Variants in TMEM164 observed in about 807,000 individuals in gnomAD.
TMEM164 encodes RP13-360B22.2.
Under a neutral mutation model 18.8 loss-of-function variants are expected in TMEM164, and 4 were observed. The ratio of observed to expected loss-of-function variants is 0.21; its 90% CI spans 0.10 to 0.49. TMEM164 has a LOEUF of 0.49. Ranked by LOEUF, TMEM164 falls within the 20% of genes least tolerant of loss-of-function variation. TMEM164 has a pLI of 0.98. For missense variants in TMEM164, 108 were observed against 239.9 expected, an observed-to-expected ratio of 0.45 and a Z score of 3.63; for synonymous variants, 86 against 101.7, an observed-to-expected ratio of 0.85 and a Z score of 0.93.
chrX:110,103,846 C>A lies in TMEM164; in HGVS notation c.441-5234C>A, dbSNP rs563517681. 4.7e-4 allele frequency among the ~76,000 whole-genome samples: 52 copies of A among 111,200 alleles called. No individual in the cohort carries two copies. The South Asian group carries it at 0.015, about 32-fold the overall frequency. The stretch of plus-strand genomic sequence containing the variant: ...GTTATTCAGGGGTTACAGTATCACA[C>A]TAAACAGGATGGAAAACATGAGGGA... On this transcript the variant is annotated intron_variant, in intron 3 of 6. Transcript: ENST00000372068.
chrX:110,032,950 C>A (rs868159770), intron 2 of TMEM164, among the ~76,000 whole-genome samples: 1 of 112,302 alleles, frequency 8.9e-6, no homozygotes, highest in Admixed American at 9.4e-5. Context: ...ATGTATTGAA[C>A]TGTTTTGGAG....
At chrX:110,149,533 A>G (rs1051156438) in intron 5 of TMEM164, among the ~76,000 whole-genome samples, 38 of 111,004 alleles carry the variant, frequency 3.4e-4, no homozygotes, top group Non-Finnish European at 3.6e-4. Flanking sequence ...CTACCTCACC[A>G]ATCATGTCTT....
At chrX:110,054,551 T>G (rs1214947680) in intron 2 of TMEM164, among the ~76,000 whole-genome samples, 1 of 111,938 alleles carries the variant, frequency 8.9e-6, no homozygotes, top group East Asian at 2.8e-4. Flanking sequence ...ACCCTTGAGC[T>G]CTACCACCAG....
chrX:110,032,895 T>C (rs886621813), intron 2 of TMEM164, among the ~76,000 whole-genome samples: 2 of 112,001 alleles, frequency 1.8e-5, no homozygotes, highest in African/African-American at 3.3e-5. Context: ...GATGGAAGAT[T>C]ATGGCCAATT....
intron 2 of TMEM164, among the ~76,000 whole-genome samples, chrX:110,009,542 G>C (rs894875098): frequency 9.0e-6 from 1 of 111,584 alleles, no homozygotes; most frequent in Non-Finnish European, 1.9e-5. Context: ...AAGGAGTAGT[G>C]GATTTTTCCT....
At chrX:110,020,287 A>G (rs1933737046) in intron 2 of TMEM164, 1 of 633,987 alleles carries the variant, frequency 1.6e-6, no homozygotes, top group South Asian at 8.1e-5. Flanking sequence ...TTTGTTTTCC[A>G]GATGAGGAAA....
chrX:110,105,750 TGAGAGAGAGAGA>T (rs59866982), intron 3 of TMEM164, among the ~76,000 whole-genome samples: 95 of 72,165 alleles, frequency 1.3e-3, no homozygotes, highest in East Asian at 3.4e-3. Context: ...AGAGAGAGAA[TGAGAGAGAGAGA>T]GAGAGAGAGA....
intron 2 of TMEM164, among the ~76,000 whole-genome samples, chrX:110,020,164 T>C (rs1053986928): frequency 3.6e-5 from 4 of 112,079 alleles, no homozygotes; most frequent in African/African-American, 1.3e-4. Flanking sequence ...ACTCCTTAGA[T>C]TGTATGTTCC....
At chrX:110,017,704 G>A (rs1933552009) in intron 2 of TMEM164, among the ~76,000 whole-genome samples, 1 of 104,710 alleles carries the variant, frequency 9.6e-6, no homozygotes, top group Non-Finnish European at 2.0e-5. Flanking sequence ...CGAGTAGCTG[G>A]GATTACAGGC....
At chrX:110,115,371 G>T (rs1404972713) in intron 4 of TMEM164, among the ~76,000 whole-genome samples, 1 of 111,887 alleles carries the variant, frequency 8.9e-6, no homozygotes. Flanking sequence ...TTTCAAAAGA[G>T]GTATTAATTT....
chrX:110,051,527 C>G lies in TMEM164; in HGVS notation c.391-15820C>G, dbSNP rs772306084. On this transcript the variant is annotated intron_variant, in intron 2 of 6. Transcript: ENST00000372068. The stretch of plus-strand genomic sequence containing the variant: ...ACTAAAGCTTAAGAATTTAAAGAGG[C>G]TTACTGTGACCCCCCTGTCATTATT... Among the ~76,000 whole-genome samples, 3 of 108,102 alleles carry G rather than the reference C, an allele frequency of 2.8e-5. No individual in the cohort carries two copies. The East Asian group carries it at 8.6e-4, about 31-fold the overall frequency. 93.9% of individuals were successfully genotyped at this position (108,102 alleles called of 115,157 possible).
chrX:110,032,987 A>G (rs913125090), intron 2 of TMEM164, among the ~76,000 whole-genome samples: 1 of 112,282 alleles, frequency 8.9e-6, no homozygotes, highest in African/African-American at 3.2e-5. Flanking sequence ...TATGACAACA[A>G]ATTACTTATA....
intron 3 of TMEM164, among the ~76,000 whole-genome samples, chrX:110,101,715 G>T (rs1373169691): frequency 9.2e-6 from 1 of 108,239 alleles, no homozygotes; most frequent in Non-Finnish European, 1.9e-5. Context: ...AAGTAGCTGG[G>T]ACTACATGTT....
downstream of TMEM164, chrX:110,182,557 A>C (rs2067327690): frequency 9.0e-6 from 1 of 111,539 alleles, no homozygotes; most frequent in African/African-American, 3.3e-5. Flanking sequence ...TCCCTGGGGA[A>C]CTCCTAGGGC....
chrX:110,098,176 A>C (rs2066050730), intron 3 of TMEM164, among the ~76,000 whole-genome samples: 1 of 111,823 alleles, frequency 8.9e-6, no homozygotes. Context: ...ACCTTTAGAG[A>C]GTGGGTTTGT....
intron 4 of TMEM164, among the ~76,000 whole-genome samples, chrX:110,113,932 C>T (rs2066325796): frequency 9.0e-6 from 1 of 111,694 alleles, no homozygotes; most frequent in Admixed American, 9.6e-5. Flanking sequence ...GGGCAATTTC[C>T]AGTGATATGC....
chrX:110,081,846 T>G lies in TMEM164; in HGVS notation c.440+14450T>G, dbSNP rs190788053. 5.0e-4 allele frequency among the ~76,000 whole-genome samples: 56 copies of G among 111,998 alleles called. 1 individual carries two copies. Among genetic ancestry groups the G allele is most frequent in the African/African-American group, 1.5e-3 (46 of 30,867 alleles). ...CTTCCCAGCTAACCAGGGGCCAGCA[T>G]GTTCTTCCTGGAGGCATGCCCAGCC... On this transcript the variant is annotated intron_variant, in intron 3 of 6. Transcript: ENST00000372068.
chrX:110,017,397 A>C (rs1933447112), intron 2 of TMEM164, among the ~76,000 whole-genome samples: 2 of 28,045 alleles, frequency 7.1e-5, no homozygotes, highest in Admixed American at 4.2e-4. Context: ...GCTGCAGGCC[A>C]CCTCCTTCCT....
intron 4 of TMEM164, among the ~76,000 whole-genome samples, chrX:110,113,545 T>C (rs2066320589): frequency 8.9e-6 from 1 of 112,157 alleles, no homozygotes; most frequent in Non-Finnish European, 1.9e-5. Context: ...ATTTTTTTGC[T>C]CATTAGCAGT....
Sources: allele counts gnomAD v4.1 joint callset (sites outside exome capture counted in the v4.1 genomes callset), GRCh38; gene constraint gnomAD v4.1.1; transcripts MANE v1.5; gene names NCBI Gene and HGNC (gene_info 2026-07-23, HGNC 2026-07-21).